Variants in PACRG observed in about 807,000 individuals in gnomAD.
The protein encoded by PACRG is parkin coregulated, also known as parkin coregulated gene protein.
PACRG carries 29 observed loss-of-function variants against 29.7 expected under a neutral mutation model. The observed-to-expected ratio is 0.98, with a 90% CI of 0.73 to 1.33. PACRG has a LOEUF of 1.33. PACRG is among the 40% of genes most tolerant of loss of function. The probability of loss-of-function intolerance (pLI) is 0.00; values close to 1 mark genes in which losing one functional copy is unlikely to be tolerated. For synonymous variants in PACRG, 116 were observed against 118.7 expected (o/e 0.98, Z 0.15); for missense variants, 279 against 316.2 (o/e 0.88, Z 0.89).
intron 4 of PACRG, among the ~76,000 whole-genome samples, chr6:163,211,077 A>G (rs1024563477): frequency 5.3e-5 from 8 of 152,176 alleles, no homozygotes; most frequent in Non-Finnish European, 1.0e-4. Flanking sequence ...AGATTCTATC[A>G]CAGAATCTTT....
chr6:163,250,663 G>A (rs961162686), intron 4 of PACRG, among the ~76,000 whole-genome samples: 15 of 152,204 alleles, frequency 9.9e-5, no homozygotes, highest in African/African-American at 3.4e-4. Context: ...CCACTACTGG[G>A]TATCTACCCA....
intron 4 of PACRG, among the ~76,000 whole-genome samples, chr6:163,229,341 CTCTGCCT>C (rs143894573): frequency 0.15 from 23,056 of 151,998 alleles, 1,885 homozygotes; most frequent in African/African-American, 0.21. Context: ...AGAGTGAGAC[CTCTGCCT>C]TCTGCCTCTA....
At chr6:163,271,492 GA>G (rs1783830888) in intron 4 of PACRG, among the ~76,000 whole-genome samples, 2 of 152,126 alleles carry the variant, frequency 1.3e-5, no homozygotes, top group East Asian at 3.8e-4. Flanking sequence ...GACTTGCCTA[GA>G]TCTTTTGTGA....
At chr6:162,967,195 G>A (rs6915180) in intron 2 of PACRG, among the ~76,000 whole-genome samples, 23,718 of 151,676 alleles carry the variant, frequency 0.16, 3,249 homozygotes, top group African/African-American at 0.36. Context: ...GGTTTGAAAT[G>A]AAGAAGCAGA....
intron 2 of PACRG, among the ~76,000 whole-genome samples, chr6:163,009,905 T>G (rs1435449325): frequency 2.0e-5 from 3 of 152,256 alleles, no homozygotes; most frequent in Non-Finnish European, 4.4e-5. Context: ...TAAATACTCA[T>G]ATCTTCATAC....
At chr6:163,312,333 G>A (rs573986481) in intron 4 of PACRG, among the ~76,000 whole-genome samples, 1 of 152,298 alleles carries the variant, frequency 6.6e-6, no homozygotes, top group African/African-American at 2.4e-5. Flanking sequence ...GACCTCCCCT[G>A]TCACGCAGGG....
intron 4 of PACRG, among the ~76,000 whole-genome samples, chr6:163,298,672 A>C (rs1306948740): frequency 6.6e-6 from 1 of 152,232 alleles, no homozygotes; most frequent in Admixed American, 6.5e-5. Context: ...ACAGCTGAGT[A>C]ACTTGTATTC....
intron 2 of PACRG, among the ~76,000 whole-genome samples, chr6:162,947,504 T>A (rs1319042220): frequency 8.1e-6 from 1 of 122,744 alleles, no homozygotes; most frequent in East Asian, 2.2e-4. Flanking sequence ...CTCATATATA[T>A]ATAATCTATA....
intron 2 of PACRG, among the ~76,000 whole-genome samples, chr6:162,898,965 C>G (rs1795360170): frequency 6.6e-6 from 1 of 152,092 alleles, no homozygotes; most frequent in Non-Finnish European, 1.5e-5. Context: ...TAACTGATGT[C>G]TAATATGAAC....
intron 2 of PACRG, among the ~76,000 whole-genome samples, chr6:163,030,768 G>A (rs1247654549): frequency 6.6e-6 from 1 of 152,184 alleles, no homozygotes; most frequent in African/African-American, 2.4e-5. Flanking sequence ...GGTAACTCCT[G>A]ATGTTGCCAT....
intron 4 of PACRG, among the ~76,000 whole-genome samples, chr6:163,206,202 C>T (rs1487463587): frequency 2.0e-5 from 3 of 152,152 alleles, no homozygotes; most frequent in Middle Eastern, 3.2e-3. Flanking sequence ...CCAGCAATCT[C>T]CTTATTGGGT....
intron 2 of PACRG, among the ~76,000 whole-genome samples, chr6:163,024,422 C>G (rs147127610): frequency 1.3e-5 from 2 of 152,194 alleles, no homozygotes; most frequent in East Asian, 3.9e-4. Context: ...CTCTTCTGTT[C>G]CATTGATCTA....
intron 2 of PACRG, among the ~76,000 whole-genome samples, chr6:162,977,284 A>G (rs1005374604): frequency 1.1e-4 from 17 of 152,128 alleles, no homozygotes; most frequent in Non-Finnish European, 2.2e-4. Context: ...AAAAGTCTTA[A>G]CAGGTAATAG....
At chr6:163,010,362 T>A (rs1040317562) in intron 2 of PACRG, among the ~76,000 whole-genome samples, 1 of 152,244 alleles carries the variant, frequency 6.6e-6, no homozygotes, top group Non-Finnish European at 1.5e-5. Context: ...GACGTCATGC[T>A]GATGACTTTT....
At chr6:163,108,777 A>G (rs2128318219) in intron 4 of PACRG, among the ~76,000 whole-genome samples, 1 of 152,328 alleles carries the variant, frequency 6.6e-6, no homozygotes, top group South Asian at 2.1e-4. Context: ...AGAACAGACT[A>G]ATAACACTGT....
intron 1 of PACRG, among the ~76,000 whole-genome samples, chr6:162,806,624 G>T (rs1265238991): frequency 6.6e-6 from 1 of 152,102 alleles, no homozygotes; most frequent in Non-Finnish European, 1.5e-5. Context: ...GATCTCAACA[G>T]TGGGCTGAAA....
chr6:162,834,510 C>T (rs1023107240), intron 2 of PACRG, among the ~76,000 whole-genome samples: 3 of 152,044 alleles, frequency 2.0e-5, no homozygotes, highest in East Asian at 1.9e-4. Context: ...CCAATGGGCA[C>T]ATGTACGTGT....
At chr6:163,081,495 C>T (rs1231564988) in intron 3 of PACRG, among the ~76,000 whole-genome samples, 1 of 152,142 alleles carries the variant, frequency 6.6e-6, no homozygotes, top group Non-Finnish European at 1.5e-5. Context: ...GTGGCTCACG[C>T]CTGTTAATCC....
chr6:162,802,797 A>T (rs1167081790), intron 1 of PACRG, among the ~76,000 whole-genome samples: 1 of 152,108 alleles, frequency 6.6e-6, no homozygotes, highest in East Asian at 1.9e-4. Flanking sequence ...AAAACAAAAA[A>T]AATGGTCTCT....
Sources: gnomAD v4.1 joint callset for allele counts (sites outside exome capture counted in the v4.1 genomes callset) on GRCh38, gnomAD v4.1.1 for gene constraint, MANE v1.5 for transcripts, NCBI Gene and HGNC (gene_info 2026-07-23, HGNC 2026-07-21) for gene names.